The following ATP2C2 variants were observed in gnomAD, a reference collection of about 807,000 sequenced individuals.
The protein encoded by ATP2C2 is calcium-transporting ATPase type 2C member 2.
ATP2C2 carries 171 observed loss-of-function variants against 110.8 expected under a neutral mutation model. The ratio of observed to expected loss-of-function variants is 1.54; its 90% confidence interval spans 1.36 to 1.75. The LOEUF (loss-of-function observed/expected upper bound fraction) is 1.75. ATP2C2 is among the 40% of genes most tolerant of loss of function. The pLI is 0.00. For synonymous variants in ATP2C2, 804 were observed against 508.4 expected, an observed-to-expected ratio of 1.58 and a Z score of -7.82; for missense variants, 1,963 against 1,235.0, an observed-to-expected ratio of 1.59 and a Z score of -8.84.
Position 84,441,049 on chromosome 16 carries a change from C to G in ATP2C2, c.1311+91C>G, listed in dbSNP as rs751204333. On this transcript the variant is annotated intron_variant, in intron 14 of 26. Coordinates refer to ENST00000262429, the MANE Select transcript of ATP2C2 (RefSeq NM_014861.4). Reference sequence around the variant, plus strand: ...AAAAGGGAAACAGCCATTGAACCTACTGGTTCTTGACAATGACTGGCCCAT... The same window carrying G: ...AAAAGGGAAACAGCCATTGAACCTAGTGGTTCTTGACAATGACTGGCCCAT... 111 of 1,135,432 alleles carry G rather than the reference C, an allele frequency of 9.8e-5. 2 individuals are homozygous for G. The highest frequency in any genetic ancestry group is 1.2e-4 in the Non-Finnish European group (89 of 766,064). 70.3% of individuals were successfully genotyped at this position (1,135,432 alleles called of 1,614,324 possible).
intron 1 of ATP2C2, among the ~76,000 whole-genome samples, chr16:84,391,919 T>C (rs1220394480): frequency 2.0e-5 from 3 of 152,110 alleles, no homozygotes; most frequent in Non-Finnish European, 2.9e-5. Context: ...CTTCCTCTTT[T>C]TTTTTTTAAA....
At chr16:84,451,774 G>A in intron 17 of ATP2C2, 147 bp from the exon 18 acceptor site, 1 of 781,834 alleles carries the variant, frequency 1.3e-6, no homozygotes, top group Admixed American at 2.4e-5. Context: ...GGAGGCAGAG[G>A]CTGCAGTGAG....
At chr16:84,419,987 G>C (rs1158847991) in intron 7 of ATP2C2, among the ~76,000 whole-genome samples, 1 of 152,076 alleles carries the variant, frequency 6.6e-6, no homozygotes, top group Non-Finnish European at 1.5e-5. Flanking sequence ...AGGCAAAGGA[G>C]GCCCAAGCTA....
intron 5 of ATP2C2, 30 bp from the exon 6 acceptor site, chr16:84,410,674 A>C (rs780204862): frequency 9.3e-6 from 15 of 1,613,944 alleles, no homozygotes; most frequent in Non-Finnish European, 1.3e-5. Flanking sequence ...CCCCACCTTT[A>C]AACAGCACAT....
intron 3 of ATP2C2, 24 bp from the exon 4 acceptor site, chr16:84,408,381 C>T: frequency 6.2e-7 from 1 of 1,607,058 alleles, no homozygotes; most frequent in Non-Finnish European, 8.5e-7. Flanking sequence ...AAGAACGTGC[C>T]CCACCCTGTT....
At chr16:84,372,582 A>G (rs549212085) in intron 1 of ATP2C2, among the ~76,000 whole-genome samples, 187 of 151,518 alleles carry the variant, frequency 1.2e-3, no homozygotes, top group South Asian at 1.9e-3. Flanking sequence ...CCGCCACCAC[A>G]CCCAGCTAAT....
intron 21 of ATP2C2, 88 bp downstream of exon 21, chr16:84,455,072 G>GGT (rs1003096826): frequency 3.9e-6 from 6 of 1,524,680 alleles, no homozygotes; most frequent in African/African-American, 2.8e-5. Flanking sequence ...GGAGATAGAG[G>GGT]GGGGGGTCTC....
At chr16:84,462,234 C>G (rs543302175) in intron 26 of ATP2C2, 105 bp downstream of exon 26, 2 of 1,439,206 alleles carry the variant, frequency 1.4e-6, no homozygotes, top group African/African-American at 1.4e-5. Flanking sequence ...TGCGGGAAAG[C>G]AGAGCTCACC....
In ATP2C2 at chr16:84,459,276, C is replaced by T. The variant is rs751736988; in HGVS notation, c.2223C>T (p.Ile741=). 5 of 1,614,120 alleles carry T rather than the reference C, an allele frequency of 3.1e-6. No homozygotes were observed. The highest frequency in any genetic ancestry group is 2.7e-5 in the African/African-American group (2 of 74,954). ...GGCTGCGTGTGCCCCGCAGGAGCAT[C>T]TCCGCCCTGAGTCTCATCACTCTGT... The part of the protein sequence containing the change: ...NFVRFQLSTS[I]SALSLITLST... The change falls in exon 23 of 27, where the codon ATC becomes ATT. Residue 741 remains isoleucine (I), a synonymous_variant. Coordinates refer to ENST00000262429, the MANE Select transcript of ATP2C2 (RefSeq NM_014861.4).
At position 84,460,646 on chromosome 16, in the gene ATP2C2, C is replaced by G. The variant is rs72806651; in HGVS notation, c.2334-8C>G. The G allele has an allele frequency of 2.5e-6, 4 of 1,613,942 alleles. No homozygotes were observed. The highest frequency in any genetic ancestry group is 4.5e-5 in the East Asian group (2 of 44,890). On this transcript the variant is annotated splice_polypyrimidine_tract_variant and splice_region_variant and intron_variant, in intron 23 of 26. Coordinates refer to ENST00000262429, the MANE Select transcript of ATP2C2 (RefSeq NM_014861.4). ...CATTTCAAAGTGTCTGTGTCTTGTT[C>G]GGAGCAGCTTGGGGGTAGAGCCCGT...
intron 16 of ATP2C2, 44 bp downstream of exon 16, chr16:84,446,474 GC>G: frequency 7.0e-7 from 1 of 1,423,632 alleles, no homozygotes; most frequent in Non-Finnish European, 9.5e-7. Flanking sequence ...TTCTGCCCGG[GC>G]CCCCACCCAG....
rs572554842 is a variant in ATP2C2, at chr16:84,400,617, G to C, written c.210+2008G>C. Among the ~76,000 whole-genome samples the C allele has an allele frequency of 2.6e-5, 4 of 152,202 alleles. No individual in the cohort carries two copies. In the East Asian group the frequency reaches 7.7e-4, roughly 29 times the overall value. On this transcript the variant is annotated intron_variant, in intron 2 of 26. Coordinates refer to ENST00000262429, the MANE Select transcript of ATP2C2 (RefSeq NM_014861.4). ...GCTGGGATTACAGGCATGAGCCACC[G>C]CGCCCAGCGTATTTTTAGTTTTTTG...
At chr16:84,408,279 C>G (rs1305818257) in intron 3 of ATP2C2, 126 bp from the exon 4 acceptor site, 2 of 872,912 alleles carry the variant, frequency 2.3e-6, no homozygotes, top group African/African-American at 3.3e-5. Context: ...CCTCGGTCAC[C>G]ATGGTGTTGA....
chr16:84,439,470 T>C lies in ATP2C2; in HGVS notation c.1155T>C (p.Thr385=). 2 of 1,614,208 alleles carry C rather than the reference T, an allele frequency of 1.2e-6. No individual in the cohort carries two copies. Among genetic ancestry groups the C allele is most frequent in the Non-Finnish European group, 1.7e-6 (2 of 1,180,036 alleles). The change falls in exon 13 of 27, where the codon ACT becomes ACC. Residue 385 remains threonine, a synonymous_variant. Transcript: ENST00000262429. ...GTTCTGACAAGACGGGGACTCTGAC[T>C]GCCAATGAAATGACAGTGACCCAGC... ...VLCSDKTGTL[T]ANEMTVTQLV...
At chr16:84,400,746 T>C (rs2151418728) in intron 2 of ATP2C2, among the ~76,000 whole-genome samples, 1 of 152,338 alleles carries the variant, frequency 6.6e-6, no homozygotes, top group African/African-American at 2.4e-5. Flanking sequence ...TTGCCTGACT[T>C]TTGGATAAAA....
intron 3 of ATP2C2, among the ~76,000 whole-genome samples, chr16:84,405,656 G>A (rs941321613): frequency 5.3e-5 from 8 of 152,140 alleles, no homozygotes; most frequent in Admixed American, 1.3e-4. Context: ...GTGGTGGCTC[G>A]TGCCTGTAAT....
Position 84,448,630 on chromosome 16 carries a change from C to G in ATP2C2, c.1601C>G (p.Pro534Arg). Residue 534 changes from proline (P) to arginine (R), a missense_variant, in exon 17 of 27, where the codon CCC becomes CGC. Physicochemically the swap from Pro to Arg is moderately radical, Grantham distance 103. Transcript: ENST00000262429. ...GGGGGCATCCCCCTGCCGCTGACGC[C>G]CCAGCAGAGGTCATTCTGCCTGCAG... ...NNGGIPLPLT[P>R]QQRSFCLQEE... The G allele has an allele frequency of 6.2e-7, 1 of 1,613,986 alleles. No individual in the cohort carries two copies. Among genetic ancestry groups the G allele is most frequent in the East Asian group, 2.2e-5 (1 of 44,860 alleles).
chr16:84,380,774 TC>T (rs1224153084), intron 1 of ATP2C2, among the ~76,000 whole-genome samples: 1 of 152,188 alleles, frequency 6.6e-6, no homozygotes, highest in African/African-American at 2.4e-5. Flanking sequence ...TGTACATACA[TC>T]GGGGGGTCTG....
chr16:84,449,162 C>G (rs1910027675), intron 17 of ATP2C2, among the ~76,000 whole-genome samples: 1 of 152,202 alleles, frequency 6.6e-6, no homozygotes, highest in Non-Finnish European at 1.5e-5. Context: ...TGGCCAGTTA[C>G]AGAGGAAGCG....
Sources: allele counts gnomAD v4.1 joint callset (sites outside exome capture counted in the v4.1 genomes callset), GRCh38; gene constraint gnomAD v4.1.1; transcripts MANE v1.5; gene names NCBI Gene and HGNC (gene_info 2026-07-23, HGNC 2026-07-21).